Variants in KHDRBS2 observed in about 807,000 individuals in gnomAD.
KHDRBS2 encodes KH RNA binding domain containing, signal transduction associated 2, also known as KH domain-containing, RNA-binding, signal transduction-associated protein 2.
A neutral mutation model predicts 44.3 loss-of-function variants in KHDRBS2; 26 were observed. The ratio of observed to expected loss-of-function variants is 0.59; its 90% CI spans 0.43 to 0.81. The LOEUF (loss-of-function observed/expected upper bound fraction) is 0.81. Among genes scored for constraint, KHDRBS2 ranks in the 40% least tolerant of loss-of-function variants. The pLI, the probability that KHDRBS2 is intolerant of heterozygous loss-of-function variation, is 0.00. For missense variants in KHDRBS2, 476 were observed against 433.1 expected (o/e 1.10, Z -0.88); for synonymous variants, 194 against 151.1 (o/e 1.28, Z -2.08).
At chr6:61,997,982 G>A (rs1000940136) in intron 3 of KHDRBS2, among the ~76,000 whole-genome samples, 18 of 152,158 alleles carry the variant, frequency 1.2e-4, no homozygotes, top group South Asian at 4.1e-4. Flanking sequence ...GGAATTAACC[G>A]GCCTGGTTTA....
intron 4 of KHDRBS2, among the ~76,000 whole-genome samples, chr6:61,949,094 A>G (rs906030752): frequency 6.6e-6 from 1 of 152,034 alleles, no homozygotes; most frequent in African/African-American, 2.4e-5. Context: ...TGCTATAAAC[A>G]TCCAGGACCA....
At chr6:61,803,848 C>T (rs1786690660) in intron 6 of KHDRBS2, among the ~76,000 whole-genome samples, 1 of 152,032 alleles carries the variant, frequency 6.6e-6, no homozygotes, top group Non-Finnish European at 1.5e-5. Flanking sequence ...CTCACCATCA[C>T]AAGAACAGCA....
intron 7 of KHDRBS2, among the ~76,000 whole-genome samples, chr6:61,704,539 G>A (rs1232981431): frequency 6.6e-6 from 1 of 151,718 alleles, no homozygotes; most frequent in African/African-American, 2.4e-5. Flanking sequence ...GGAGAGAGGG[G>A]CTCAATATTC....
At chr6:61,544,958 A>G in the KHDRBS2 span, among the ~76,000 whole-genome samples, 3 of 152,126 alleles carry the variant, frequency 2.0e-5, no homozygotes, top group African/African-American at 7.2e-5. Context: ...GAGGGATAGC[A>G]TTAGGAGATA....
chr6:62,000,000 CCTTAA>C (rs1324730586), intron 3 of KHDRBS2, among the ~76,000 whole-genome samples: 5 of 152,160 alleles, frequency 3.3e-5, no homozygotes, highest in Admixed American at 6.5e-5. Context: ...ATCTTAAGAT[CCTTAA>C]CTTAATTACA....
intron 2 of KHDRBS2, among the ~76,000 whole-genome samples, chr6:62,061,980 C>T (rs967998512): frequency 1.3e-5 from 2 of 151,810 alleles, no homozygotes; most frequent in African/African-American, 4.8e-5. Context: ...TCCTGAGGCT[C>T]CTGCATTCTT....
the KHDRBS2 span, among the ~76,000 whole-genome samples, chr6:61,599,733 G>C: frequency 6.6e-6 from 1 of 152,148 alleles, no homozygotes; most frequent in Non-Finnish European, 1.5e-5. Context: ...ACAAACTCCT[G>C]TGAGAACTTA....
the KHDRBS2 span, among the ~76,000 whole-genome samples, chr6:61,568,552 T>C: frequency 6.6e-6 from 1 of 152,192 alleles, no homozygotes; most frequent in African/African-American, 2.4e-5. Flanking sequence ...TGAATGTTAC[T>C]GCAAATTCTA....
chr6:61,835,984 G>A (rs552829900), intron 6 of KHDRBS2, among the ~76,000 whole-genome samples: 1 of 151,972 alleles, frequency 6.6e-6, no homozygotes, highest in African/African-American at 2.4e-5. Flanking sequence ...ATTGTGAACA[G>A]CTTAATACAC....
At chr6:61,876,441 G>T (rs926735948) in intron 6 of KHDRBS2, among the ~76,000 whole-genome samples, 3 of 151,802 alleles carry the variant, frequency 2.0e-5, no homozygotes, top group Admixed American at 1.3e-4. Flanking sequence ...TGACACAGAA[G>T]AATTTATCAT....
the KHDRBS2 span, among the ~76,000 whole-genome samples, chr6:61,579,170 T>C: frequency 6.6e-6 from 1 of 152,198 alleles, no homozygotes; most frequent in Non-Finnish European, 1.5e-5. Flanking sequence ...TTTACTGTCC[T>C]CAGAACTTCT....
chr6:61,840,661 G>A (rs976010070), intron 6 of KHDRBS2, among the ~76,000 whole-genome samples: 1 of 152,156 alleles, frequency 6.6e-6, no homozygotes, highest in African/African-American at 2.4e-5. Flanking sequence ...AGTGGCATGT[G>A]TGATGGCACA....
intron 3 of KHDRBS2, among the ~76,000 whole-genome samples, chr6:62,003,092 T>C (rs1778564818): frequency 6.6e-6 from 1 of 152,196 alleles, no homozygotes; most frequent in Non-Finnish European, 1.5e-5. Context: ...TCATTTTTCT[T>C]TGCAGGTAAA....
the KHDRBS2 span, among the ~76,000 whole-genome samples, chr6:61,559,187 TAA>T: frequency 6.6e-6 from 1 of 152,182 alleles, no homozygotes; most frequent in African/African-American, 2.4e-5. Context: ...TGTCTTTTCC[TAA>T]AGTTTTTGTC....
intron 6 of KHDRBS2, among the ~76,000 whole-genome samples, chr6:61,806,334 C>T (rs886572438): frequency 6.6e-6 from 1 of 152,098 alleles, no homozygotes; most frequent in Non-Finnish European, 1.5e-5. Context: ...CATGAAAAAG[C>T]CCAAAGCAGC....
chr6:61,661,125 T>A, the KHDRBS2 span, among the ~76,000 whole-genome samples: 18 of 151,814 alleles, frequency 1.2e-4, no homozygotes, highest in Non-Finnish European at 1.6e-4. Context: ...TTCTCACTGG[T>A]TTGACATTAA....
intron 2 of KHDRBS2, among the ~76,000 whole-genome samples, chr6:62,149,435 A>G (rs992747684): frequency 3.3e-5 from 5 of 152,040 alleles, no homozygotes; most frequent in Admixed American, 3.3e-4. Flanking sequence ...GCTATCTTAC[A>G]TGCTACCAAA....
chr6:62,135,399 G>C (rs1395665714), intron 2 of KHDRBS2, among the ~76,000 whole-genome samples: 1 of 152,148 alleles, frequency 6.6e-6, no homozygotes, highest in Non-Finnish European at 1.5e-5. Flanking sequence ...CCCAGTCTCA[G>C]GTATGTCTTT....
rs1205132426 is a variant in KHDRBS2, at chr6:61,848,560, T to C, written c.810+46075A>G. On this transcript the variant is annotated intron_variant, in intron 6 of 8. Transcript: ENST00000281156. ...ATATATGTATATATATACATATATATATGTATATATATATACATATATATA... is the reference window on the plus strand; with the variant it reads ...ATATATGTATATATATACATATATACATGTATATATATATACATATATATA... Among the ~76,000 whole-genome samples the C allele has an allele frequency of 1.8e-4, 7 of 38,960 alleles. 1 individual carries two copies. The highest frequency in any genetic ancestry group is 3.0e-4 in the Non-Finnish European group (6 of 20,086). 25.6% of individuals were successfully genotyped at this position (38,960 alleles called of 152,430 possible).
Sources: allele counts gnomAD v4.1 joint callset (sites outside exome capture counted in the v4.1 genomes callset), GRCh38; gene constraint gnomAD v4.1.1; transcripts MANE v1.5; gene names NCBI Gene and HGNC (gene_info 2026-07-23, HGNC 2026-07-21).